Variants in NBEA observed in about 807,000 individuals in gnomAD.
The protein encoded by NBEA is lysosomal-trafficking regulator 2.
NBEA carries 44 observed loss-of-function variants against 343.4 expected under a neutral mutation model. That is an observed-to-expected ratio of 0.13 (90% CI 0.10 to 0.16). The LOEUF is 0.16. NBEA is among the 10% of genes least tolerant of loss of function. The pLI is 1.00. For synonymous variants in NBEA, 1,175 were observed against 1,238.7 expected (o/e 0.95, Z 1.08); for missense variants, 2,555 against 3,631.3 (o/e 0.70, Z 7.62).
intron 24 of NBEA, among the ~76,000 whole-genome samples, chr13:35,166,418 A>T (rs1284205481): frequency 6.6e-6 from 1 of 152,168 alleles, no homozygotes; most frequent in Non-Finnish European, 1.5e-5. Context: ...TGGCTTCCAA[A>T]ATTATTACGA....
chr13:35,252,639 G>A (rs2032116282), intron 34 of NBEA, among the ~76,000 whole-genome samples: 1 of 152,136 alleles, frequency 6.6e-6, no homozygotes. Context: ...ATATGTAGCT[G>A]AACCGAGAAG....
chr13:35,517,507 T>C (rs1235295634), intron 41 of NBEA, among the ~76,000 whole-genome samples: 1 of 152,222 alleles, frequency 6.6e-6, no homozygotes, highest in Non-Finnish European at 1.5e-5. Flanking sequence ...GTGATTCTAA[T>C]CACCCAGGCC....
At chr13:35,184,537 C>G (rs2071551408) in intron 30 of NBEA, among the ~76,000 whole-genome samples, 1 of 151,794 alleles carries the variant, frequency 6.6e-6, no homozygotes, top group Non-Finnish European at 1.5e-5. Context: ...TATTAGACAT[C>G]CAACAAAAAT....
At chr13:35,230,849 T>C (rs1744406920) in intron 33 of NBEA, among the ~76,000 whole-genome samples, 1 of 152,040 alleles carries the variant, frequency 6.6e-6, no homozygotes, top group African/African-American at 2.4e-5. Flanking sequence ...TGAGAATTTG[T>C]ACTTCTAACA....
chr13:34,960,974 A>G (rs1195178816), intron 1 of NBEA, among the ~76,000 whole-genome samples: 1 of 152,062 alleles, frequency 6.6e-6, no homozygotes, highest in African/African-American at 2.4e-5. Context: ...GCTGAACCCA[A>G]TTACATTGAA....
chr13:35,410,446 C>G (rs1238263136), intron 38 of NBEA, among the ~76,000 whole-genome samples: 4 of 151,830 alleles, frequency 2.6e-5, no homozygotes, highest in Non-Finnish European at 5.9e-5. Context: ...GGAAGAGTGT[C>G]AGAGAAAGAA....
chr13:35,381,988 A>C (rs10454599), intron 38 of NBEA, among the ~76,000 whole-genome samples: 1 of 152,150 alleles, frequency 6.6e-6, no homozygotes, highest in African/African-American at 2.4e-5. Context: ...GAAAACAACA[A>C]TTATTCTCTA....
intron 36 of NBEA, among the ~76,000 whole-genome samples, chr13:35,327,987 G>A (rs564014449): frequency 2.8e-4 from 42 of 151,848 alleles, no homozygotes; most frequent in Non-Finnish European, 5.0e-4. Flanking sequence ...AAAACATATA[G>A]CTAACATTTT....
chr13:35,236,702 C>T (rs922209178), intron 34 of NBEA, among the ~76,000 whole-genome samples: 10 of 151,458 alleles, frequency 6.6e-5, no homozygotes, highest in Admixed American at 2.0e-4. Flanking sequence ...ATGATCCGCC[C>T]GCCTCGGCCT....
chr13:35,518,091 A>T (rs1413026400), intron 41 of NBEA, among the ~76,000 whole-genome samples: 1 of 152,180 alleles, frequency 6.6e-6, no homozygotes, highest in South Asian at 2.1e-4. Context: ...ATGAGCATGT[A>T]CTTCCCTTGG....
At chr13:35,417,054 T>A (rs919815461) in intron 38 of NBEA, among the ~76,000 whole-genome samples, 1 of 152,196 alleles carries the variant, frequency 6.6e-6, no homozygotes, top group Non-Finnish European at 1.5e-5. Context: ...CTGATGGTAG[T>A]TTGTATTTCT....
intron 36 of NBEA, among the ~76,000 whole-genome samples, chr13:35,313,376 T>C (rs2152835100): frequency 6.6e-6 from 1 of 152,324 alleles, no homozygotes; most frequent in East Asian, 1.9e-4. Context: ...TATATCTCTA[T>C]ATTCTGGAAT....
intron 35 of NBEA, among the ~76,000 whole-genome samples, chr13:35,298,569 T>C (rs1259218647): frequency 1.3e-5 from 2 of 151,954 alleles, no homozygotes; most frequent in Non-Finnish European, 2.9e-5. Context: ...ATGAGTGTTG[T>C]ATATACTCAT....
intron 41 of NBEA, among the ~76,000 whole-genome samples, chr13:35,492,124 C>T (rs1051412200): frequency 1.3e-5 from 2 of 151,850 alleles, no homozygotes; most frequent in African/African-American, 4.8e-5. Flanking sequence ...TGTTCTCACT[C>T]ATAAGTGGGA....
intron 5 of NBEA, among the ~76,000 whole-genome samples, chr13:35,048,981 G>C (rs1040388540): frequency 6.6e-6 from 1 of 151,766 alleles, no homozygotes; most frequent in African/African-American, 2.4e-5. Flanking sequence ...GGGATTTTTA[G>C]TGAGGATTGC....
intron 18 of NBEA, among the ~76,000 whole-genome samples, chr13:35,146,897 G>GTGGTTT (rs1470959590): frequency 1.6e-4 from 24 of 152,232 alleles, no homozygotes; most frequent in African/African-American, 5.5e-4. Flanking sequence ...GCCAATTTCT[G>GTGGTTT]TGGTTTTCTT....
intron 39 of NBEA, among the ~76,000 whole-genome samples, chr13:35,450,594 C>T (rs1161263910): frequency 6.6e-6 from 1 of 152,108 alleles, no homozygotes; most frequent in Non-Finnish European, 1.5e-5. Context: ...TGTACACTTT[C>T]GACCAAAGGC....
At chr13:35,625,874 G>C (rs1055061336) in intron 48 of NBEA, among the ~76,000 whole-genome samples, 1 of 152,148 alleles carries the variant, frequency 6.6e-6, no homozygotes, top group Non-Finnish European at 1.5e-5. Context: ...AGTTGATGGA[G>C]ATAAGGACGT....
intron 30 of NBEA, among the ~76,000 whole-genome samples, chr13:35,191,410 T>G (rs901037689): frequency 6.6e-6 from 1 of 152,148 alleles, no homozygotes; most frequent in African/African-American, 2.4e-5. Flanking sequence ...TTGTCTCTTA[T>G]GGGCGTATAA....
Sources: gnomAD v4.1 joint callset for allele counts (sites outside exome capture counted in the v4.1 genomes callset) on GRCh38, gnomAD v4.1.1 for gene constraint, MANE v1.5 for transcripts, NCBI Gene and HGNC (gene_info 2026-07-23, HGNC 2026-07-21) for gene names.